The following ASIC2 variants were observed in gnomAD, a reference collection of about 807,000 sequenced individuals.
ASIC2 encodes acid-sensing ion channel 2.
A neutral mutation model predicts 57.3 loss-of-function variants in ASIC2; 25 were observed. The observed-to-expected ratio is 0.44, with a 90% CI of 0.32 to 0.61. The LOEUF is 0.61. Ranked by LOEUF, ASIC2 falls within the 20% of genes least tolerant of loss-of-function variation. The probability of loss-of-function intolerance (pLI) is 0.06; values close to 1 mark genes in which losing one functional copy is unlikely to be tolerated. For synonymous variants in ASIC2, 319 were observed against 307.5 expected (o/e 1.04, Z -0.39); for missense variants, 641 against 738.1 (o/e 0.87, Z 1.52).
chr17:33,582,426 G>T (rs1904474482), intron 1 of ASIC2, among the ~76,000 whole-genome samples: 1 of 152,136 alleles, frequency 6.6e-6, no homozygotes, highest in Non-Finnish European at 1.5e-5. Flanking sequence ...GAGAGGCAAG[G>T]GTGCTGAGAG....
intron 1 of ASIC2, among the ~76,000 whole-genome samples, chr17:33,505,821 C>A (rs1482518864): frequency 6.6e-6 from 1 of 152,212 alleles, no homozygotes; most frequent in Non-Finnish European, 1.5e-5. Flanking sequence ...TTAAGGGAAG[C>A]CTTTCGGGAG....
At position 34,156,675 on chromosome 17, in the gene ASIC2, C is replaced by T; in HGVS notation, c.-143G>A. 1.2e-6 allele frequency: 1 copy of T among 846,676 alleles called. No individual in the cohort carries two copies. Among genetic ancestry groups the T allele is most frequent in the Non-Finnish European group, 1.8e-6 (1 of 561,252 alleles). 52.4% of individuals were successfully genotyped at this position (846,676 alleles called of 1,614,324 possible). On this transcript the variant is annotated 5_prime_UTR_variant, in exon 1 of 10. Coordinates refer to the ASIC2 transcript ENST00000359872. The surrounding 1 kb of genome is among the most constrained non-coding windows in gnomAD (Gnocchi z 4.4). ...TCGCGCCAGATGCTGTGAGTTTATC[C>T]TGAGAGCCCAGCCGCACGCTGACAG...
chr17:33,928,810 ACT>A (rs900909483), intron 1 of ASIC2, among the ~76,000 whole-genome samples: 31 of 152,046 alleles, frequency 2.0e-4, no homozygotes, highest in Non-Finnish European at 1.5e-5. Context: ...GAGAGATGAG[ACT>A]CTGAGGGACT....
chr17:33,358,002 A>G (rs895448762), intron 1 of ASIC2, among the ~76,000 whole-genome samples: 1 of 152,202 alleles, frequency 6.6e-6, no homozygotes, highest in African/African-American at 2.4e-5. Flanking sequence ...TATTTTAACA[A>G]GTATCCCAGG....
At chr17:33,518,404 G>A (rs929094201) in intron 1 of ASIC2, among the ~76,000 whole-genome samples, 5 of 152,206 alleles carry the variant, frequency 3.3e-5, no homozygotes, top group Admixed American at 3.3e-4. Flanking sequence ...AGGGGGCAAG[G>A]CCAAACTTGC....
chr17:33,330,855 G>A (rs1220692486), intron 1 of ASIC2, among the ~76,000 whole-genome samples: 1 of 152,148 alleles, frequency 6.6e-6, no homozygotes, highest in African/African-American at 2.4e-5. Flanking sequence ...GGTCTAGAGA[G>A]AATCCTGACT....
Position 33,809,273 on chromosome 17 carries a change from T to C in ASIC2, c.555+346705A>G, listed in dbSNP as rs116865396. On this transcript the variant is annotated intron_variant, in intron 1 of 9. Coordinates refer to the ASIC2 transcript ENST00000359872. ...TTCATCTCAACTGGCGTTCCAGCCC[T>C]ACTTCATGTCTGAACCCCAGTGGAG... 3.8e-3 allele frequency among the ~76,000 whole-genome samples: 575 copies of C among 152,354 alleles called. 1 individual carries two copies. Among genetic ancestry groups the C allele is most frequent in the Admixed American group, 8.5e-3 (130 of 15,296 alleles).
At chr17:33,128,100 C>G (rs1180058894) in intron 1 of ASIC2, among the ~76,000 whole-genome samples, 1 of 152,200 alleles carries the variant, frequency 6.6e-6, no homozygotes, top group Non-Finnish European at 1.5e-5. Context: ...ACTTCATACT[C>G]CAGCTAGGGA....
At chr17:33,353,428 G>T (rs1363573117) in intron 1 of ASIC2, among the ~76,000 whole-genome samples, 2 of 152,068 alleles carry the variant, frequency 1.3e-5, no homozygotes, top group African/African-American at 4.8e-5. Context: ...CCTTGATCTG[G>T]GTTCAAGCAA....
Position 33,019,263 on chromosome 17 carries a change from C to T in ASIC2, c.1442-1579G>A, listed in dbSNP as rs548918733. On this transcript the variant is annotated intron_variant, in intron 7 of 9. Transcript: ENST00000225823. ...GCTGTCTATGGTTTTATGTAGGTGG[C>T]TCTCCCTGTCTAGGCACCCTGAGTG... is the stretch of plus-strand genomic sequence containing the variant. Among the ~76,000 whole-genome samples the T allele has an allele frequency of 1.4e-4, 21 of 152,026 alleles. No homozygotes were observed. In the South Asian group the frequency reaches 4.0e-3, roughly 29 times the overall value.
intron 1 of ASIC2, among the ~76,000 whole-genome samples, chr17:33,654,182 A>G (rs1170134714): frequency 6.6e-6 from 1 of 152,252 alleles, no homozygotes; most frequent in Admixed American, 6.5e-5. Context: ...TAGGAGCTGG[A>G]GCTGTGCAGA....
At chr17:33,746,464 G>GTACATACATACATACATA (rs1340663174) in intron 1 of ASIC2, among the ~76,000 whole-genome samples, 2 of 149,258 alleles carry the variant, frequency 1.3e-5, no homozygotes, top group Admixed American at 1.3e-4. Context: ...GTGTGTATAT[G>GTACATACATACATACATA]TGTATATGTA....
intron 3 of ASIC2, among the ~76,000 whole-genome samples, chr17:33,059,618 A>G (rs1190131997): frequency 6.6e-6 from 1 of 152,222 alleles, no homozygotes; most frequent in Non-Finnish European, 1.5e-5. Context: ...CACAATAAAC[A>G]TACGTGTGCA....
At chr17:33,258,776 C>T (rs1462143246) in intron 1 of ASIC2, among the ~76,000 whole-genome samples, 1 of 152,180 alleles carries the variant, frequency 6.6e-6, no homozygotes, top group Non-Finnish European at 1.5e-5. Context: ...TAAATAACTT[C>T]CCAGAAGTGG....
At chr17:33,813,353 GAAAAAAC>G (rs973705846) in intron 1 of ASIC2, among the ~76,000 whole-genome samples, 11 of 152,120 alleles carry the variant, frequency 7.2e-5, no homozygotes, top group East Asian at 1.9e-4. Flanking sequence ...ACTCAAGGTT[GAAAAAAC>G]AAAAAACAAA....
At chr17:33,043,265 A>G (rs895291032) in intron 3 of ASIC2, among the ~76,000 whole-genome samples, 6 of 152,206 alleles carry the variant, frequency 3.9e-5, no homozygotes, top group African/African-American at 1.4e-4. Flanking sequence ...GTCACTTGCC[A>G]CACTGCTAAG....
intron 2 of ASIC2, among the ~76,000 whole-genome samples, chr17:33,098,799 C>A (rs1024788487): frequency 2.6e-5 from 4 of 151,964 alleles, no homozygotes; most frequent in Non-Finnish European, 5.9e-5. Flanking sequence ...GTGGAAAAAA[C>A]CAAGGAGGAC....
At chr17:33,744,167 T>A (rs112185058) in intron 1 of ASIC2, among the ~76,000 whole-genome samples, 8 of 152,320 alleles carry the variant, frequency 5.3e-5, no homozygotes, top group African/African-American at 1.9e-4. Flanking sequence ...TGAGTCCAGT[T>A]AGTTCACTAG....
intron 1 of ASIC2, among the ~76,000 whole-genome samples, chr17:33,738,136 T>C (rs1307296530): frequency 6.6e-6 from 1 of 152,140 alleles, no homozygotes. Flanking sequence ...ACACACCAGC[T>C]CTTCTCAGGC....
Sources: gnomAD v4.1 joint callset for allele counts (sites outside exome capture counted in the v4.1 genomes callset) on GRCh38, gnomAD v4.1.1 for gene constraint, Gnocchi (gnomAD v3.1) non-coding constraint, MANE v1.5 for transcripts, NCBI Gene and HGNC (gene_info 2026-07-23, HGNC 2026-07-21) for gene names.